TRIP12: variants seen among roughly 807,000 people sequenced by gnomAD.
The protein encoded by TRIP12 is E3 ubiquitin-protein ligase TRIP12.
TRIP12 carries 25 observed loss-of-function variants against 244.2 expected under a neutral mutation model. The ratio of observed to expected loss-of-function variants is 0.10; its 90% CI spans 0.07 to 0.14. The LOEUF (loss-of-function observed/expected upper bound fraction) is 0.14, where lower values mean the gene tolerates loss of function less well. Among genes scored for constraint, TRIP12 ranks in the 10% least tolerant of loss-of-function variants. TRIP12 has a pLI of 1.00. For synonymous variants in TRIP12, 905 were observed against 873.1 expected, an observed-to-expected ratio of 1.04 and a Z score of -0.64; for missense variants, 1,677 against 2,486.4, an observed-to-expected ratio of 0.67 and a Z score of 6.92.
intron 5 of TRIP12, among the ~76,000 whole-genome samples, chr2:229,837,240 T>G (rs532284263): frequency 3.6e-4 from 55 of 152,348 alleles, no homozygotes; most frequent in Middle Eastern, 3.4e-3. Context: ...CAGAAACGAT[T>G]TTTAAAACAC....
rs1233545772 is a variant in TRIP12, at chr2:229,859,090, C to T, written c.709G>A (p.Asp237Asn). 3.7e-6 allele frequency: 6 copies of T among 1,614,212 alleles called. No homozygotes were observed. In the Admixed American group the frequency reaches 8.3e-5, roughly 22 times the overall value. Residue 237 changes from aspartate to asparagine, a missense_variant, in exon 4 of 42, where the codon GAT becomes AAT. Around this residue, in one of 11 missense-constraint regions of TRIP12, gnomAD observed 387 missense variants for 392.6 expected, o/e 0.99. Coordinates refer to ENST00000675903, the MANE Select transcript of TRIP12 (RefSeq NM_001348323.3). ...GAAGTAGAGGCAGCAGAAGAAGAAT[C>T]AGTGATGGTGCTACACCCAGCTTTG... ...SAKAGCSTIT[D>N]SSSAASTSSS...
At chr2:229,813,636 G>A (rs1575399881) in intron 13 of TRIP12, among the ~76,000 whole-genome samples, 1 of 151,634 alleles carries the variant, frequency 6.6e-6, no homozygotes, top group Non-Finnish European at 1.5e-5. Context: ...ATACAAAAAT[G>A]AGCTGGGTGT....
At chr2:229,827,717 G>C (rs2052114330) in intron 8 of TRIP12, among the ~76,000 whole-genome samples, 1 of 152,142 alleles carries the variant, frequency 6.6e-6, no homozygotes, top group Admixed American at 6.5e-5. Context: ...TTAGTATATA[G>C]AAGGAATACA....
At chr2:229,910,699 G>A (rs1390509510) in intron 1 of TRIP12, among the ~76,000 whole-genome samples, 1 of 151,876 alleles carries the variant, frequency 6.6e-6, no homozygotes, top group Non-Finnish European at 1.5e-5. Context: ...CACACCAAAG[G>A]CTGAAATACC....
intron 2 of TRIP12, among the ~76,000 whole-genome samples, chr2:229,877,837 TTTTTC>T (rs1224517238): frequency 6.6e-6 from 1 of 152,244 alleles, no homozygotes; most frequent in African/African-American, 2.4e-5. Flanking sequence ...TGGAATTATG[TTTTTC>T]TTTTTAGTTT....
intron 27 of TRIP12, 22 bp from the exon 28 acceptor site, chr2:229,792,248 TAA>T (rs746924946): frequency 1.2e-6 from 2 of 1,609,308 alleles, no homozygotes; most frequent in African/African-American, 2.7e-5. Flanking sequence ...AGTAGACTTT[TAA>T]ACTCTTAGCG....
intron 9 of TRIP12, among the ~76,000 whole-genome samples, chr2:229,818,103 G>A (rs2048965498): frequency 6.6e-6 from 1 of 152,076 alleles, no homozygotes; most frequent in Non-Finnish European, 1.5e-5. Context: ...TACTGATGAG[G>A]TGAACAACTT....
intron 17 of TRIP12, among the ~76,000 whole-genome samples, chr2:229,806,311 AAAC>A (rs900273887): frequency 6.6e-6 from 1 of 152,174 alleles, no homozygotes; most frequent in African/African-American, 2.4e-5. Flanking sequence ...ATCCTCCCTT[AAAC>A]AAAATGATCC....
intron 37 of TRIP12, among the ~76,000 whole-genome samples, chr2:229,775,386 TAAA>T (rs373514087): frequency 7.7e-6 from 1 of 129,774 alleles, no homozygotes; most frequent in Admixed American, 7.7e-5. Flanking sequence ...CACAAAGATT[TAAA>T]AAAAAAAAAA....
At chr2:229,904,046 A>C (rs1157226170) in intron 1 of TRIP12, among the ~76,000 whole-genome samples, 1 of 151,952 alleles carries the variant, frequency 6.6e-6, no homozygotes, top group African/African-American at 2.4e-5. Context: ...AAAAAATAAA[A>C]ATAAAAATAA....
intron 1 of TRIP12, among the ~76,000 whole-genome samples, chr2:229,910,123 A>G (rs932167264): frequency 5.9e-5 from 9 of 152,220 alleles, no homozygotes; most frequent in African/African-American, 2.2e-4. Flanking sequence ...TGTTTTACTA[A>G]GTCCTTGATT....
intron 2 of TRIP12, among the ~76,000 whole-genome samples, chr2:229,879,231 A>G (rs936290706): frequency 6.6e-6 from 1 of 152,186 alleles, no homozygotes; most frequent in African/African-American, 2.4e-5. Context: ...AGCCTGGGTA[A>G]CAGAGCGATG....
At chr2:229,814,729 A>T (rs897979771) in intron 11 of TRIP12, among the ~76,000 whole-genome samples, 2 of 152,182 alleles carry the variant, frequency 1.3e-5, no homozygotes, top group Non-Finnish European at 2.9e-5. Context: ...CCAAAAACAC[A>T]ATTTACTAGA....
chr2:229,891,179 T>C (rs1170916066), intron 1 of TRIP12, among the ~76,000 whole-genome samples: 2 of 151,930 alleles, frequency 1.3e-5, no homozygotes, highest in Non-Finnish European at 2.9e-5. Context: ...CCAGCACTTT[T>C]GGAGGCTGAA....
chr2:229,774,316 T>C, intron 37 of TRIP12, 55 bp from the exon 38 acceptor site: 1 of 1,521,860 alleles, frequency 6.6e-7, no homozygotes, highest in Non-Finnish European at 8.9e-7. Flanking sequence ...CTTACGGTTG[T>C]TTAAAAAAAT....
chr2:229,814,220 TAAC>T lies in TRIP12; in HGVS notation c.1824+10_1824+12del. On this transcript the variant is annotated intron_variant, in intron 12 of 41. Coordinates refer to ENST00000675903, the MANE Select transcript of TRIP12 (RefSeq NM_001348323.3). Reference sequence around the variant, plus strand: ...TAAAGTGAAATGTAGTCCCCTTCAGTAACAACACTTACCGCCTGTAGAATGGCT... The same window carrying T: ...TAAAGTGAAATGTAGTCCCCTTCAGTAACACTTACCGCCTGTAGAATGGCT... The T allele has an allele frequency of 1.9e-6, 3 of 1,612,908 alleles. No homozygotes were observed. Among genetic ancestry groups the T allele is most frequent in the Non-Finnish European group, 2.5e-6 (3 of 1,178,998 alleles).
intron 1 of TRIP12, among the ~76,000 whole-genome samples, chr2:229,893,177 ATCC>A (rs1267317666): frequency 6.6e-6 from 1 of 152,210 alleles, no homozygotes; most frequent in Non-Finnish European, 1.5e-5. Flanking sequence ...ATGTATCCAT[ATCC>A]TCATTTACGT....
chr2:229,892,776 G>A (rs2154363044), intron 1 of TRIP12, among the ~76,000 whole-genome samples: 1 of 152,266 alleles, frequency 6.6e-6, no homozygotes, highest in South Asian at 2.1e-4. Context: ...TGAGGTGGGA[G>A]GATTGCTTGA....
chr2:229,875,084 G>C (rs1207788234), intron 2 of TRIP12, among the ~76,000 whole-genome samples: 5 of 152,038 alleles, frequency 3.3e-5, no homozygotes, highest in African/African-American at 4.8e-5. Flanking sequence ...AGAAGAAAAA[G>C]AGAACAGAAA....
Sources: gnomAD v4.1 joint callset for allele counts (sites outside exome capture counted in the v4.1 genomes callset) on GRCh38, gnomAD v4.1.1 for gene constraint, gnomAD v4.1.1 regional missense constraint, MANE v1.5 for transcripts, NCBI Gene and HGNC (gene_info 2026-07-23, HGNC 2026-07-21) for gene names.